COL4A2: variants seen among roughly 807,000 people sequenced by gnomAD.
COL4A2 encodes the protein collagen alpha-2(IV) chain.
A neutral mutation model predicts 200.2 loss-of-function variants in COL4A2; 99 were observed. That is an observed-to-expected ratio of 0.49 (90% CI 0.42 to 0.58). COL4A2 has a LOEUF of 0.58. Ranked by LOEUF, COL4A2 falls within the 20% of genes least tolerant of loss-of-function variation. The probability of loss-of-function intolerance (pLI) is 0.00; values close to 1 mark genes in which losing one functional copy is unlikely to be tolerated. For missense variants in COL4A2, 1,950 were observed against 2,314.1 expected, an observed-to-expected ratio of 0.84 and a Z score of 3.23; for synonymous variants, 897 against 900.6, an observed-to-expected ratio of 1.00 and a Z score of 0.07.
chr13:110,442,600 T>C (rs923890662), intron 16 of COL4A2, among the ~76,000 whole-genome samples: 1 of 152,238 alleles, frequency 6.6e-6, no homozygotes, highest in African/African-American at 2.4e-5. Context: ...CTTGCCCTCC[T>C]CTACATAAAC....
chr13:110,329,256 G>A (rs762058882), intron 3 of COL4A2, among the ~76,000 whole-genome samples: 3 of 152,184 alleles, frequency 2.0e-5, no homozygotes, highest in Non-Finnish European at 4.4e-5. Context: ...AGACACCACT[G>A]CAATCACTCT....
chr13:110,440,305 A>G (rs1170632052), intron 16 of COL4A2, among the ~76,000 whole-genome samples: 1 of 152,148 alleles, frequency 6.6e-6, no homozygotes, highest in Non-Finnish European at 1.5e-5. Context: ...TATGTAAGAA[A>G]TGTATTATGG....
chr13:110,416,402 TC>T (rs1880044661), intron 4 of COL4A2, among the ~76,000 whole-genome samples: 1 of 152,242 alleles, frequency 6.6e-6, no homozygotes, highest in African/African-American at 2.4e-5. Context: ...GCTTAGGAAA[TC>T]ACATCAGTCT....
chr13:110,423,658 C>T (rs1880346121), intron 4 of COL4A2, among the ~76,000 whole-genome samples: 1 of 152,194 alleles, frequency 6.6e-6, no homozygotes, highest in Non-Finnish European at 1.5e-5. Context: ...ACCAATCCAT[C>T]TCCAGAACTT....
rs1281626939 is a variant in COL4A2 at position 110,375,867 on chromosome 13, A to G, written c.180+18315A>G. On this transcript the variant is annotated intron_variant, in intron 4 of 47. Transcript: ENST00000360467. ...ATTGACAGAGAAAATCATCGTGATT[A>G]TGCTACATCTTTATACAGGAGTGGT... 2.6e-5 allele frequency among the ~76,000 whole-genome samples: 4 copies of G among 152,036 alleles called. No individual in the cohort carries two copies. The East Asian group carries it at 5.8e-4, about 22-fold the overall frequency.
chr13:110,423,418 C>T (rs1029476651), intron 4 of COL4A2, among the ~76,000 whole-genome samples: 1 of 151,966 alleles, frequency 6.6e-6, no homozygotes, highest in Non-Finnish European at 1.5e-5. Context: ...GGGAGGGAAA[C>T]AACACACCCG....
intron 4 of COL4A2, among the ~76,000 whole-genome samples, chr13:110,362,439 A>G (rs1877558648): frequency 6.6e-6 from 1 of 151,788 alleles, no homozygotes; most frequent in Admixed American, 6.6e-5. Context: ...TTAGGCCCTC[A>G]AGTAGCTGGA....
At chr13:110,420,199 G>A (rs951139182) in intron 4 of COL4A2, among the ~76,000 whole-genome samples, 1 of 152,152 alleles carries the variant, frequency 6.6e-6, no homozygotes, top group African/African-American at 2.4e-5. Context: ...AGTGCACCCC[G>A]GCCAGCCCTG....
rs1047806468 is a variant in COL4A2, at chr13:110,473,033, A to G, written c.2308A>G (p.Arg770Gly). The change falls in exon 29 of 48, where the codon AGG becomes GGG. Residue 770 changes from arginine (R) to glycine (G), a missense_variant. Coordinates refer to ENST00000360467, the MANE Select transcript of COL4A2 (RefSeq NM_001846.4). ...AGGGCCAGATGGGCCCCCTGGGGAA[A>G]GGGGCCTCCCTGGAGAAGTCCTGGG... ...LPGPDGPPGE[R>G]GLPGEVLGAQ... 1 of 1,514,296 alleles carries G rather than the reference A, an allele frequency of 6.6e-7. No individual in the cohort carries two copies. Among genetic ancestry groups the G allele is most frequent in the Non-Finnish European group, 8.8e-7 (1 of 1,132,018 alleles). The allele number at this position is 1,514,296 out of a possible 1,614,324, so 93.8% of individuals were successfully genotyped here.
At chr13:110,313,497 A>C (rs1885045754) in intron 3 of COL4A2, among the ~76,000 whole-genome samples, 1 of 149,722 alleles carries the variant, frequency 6.7e-6, no homozygotes, top group Admixed American at 6.6e-5. Context: ...GCAGGCTCCC[A>C]CCCCGGTGCC....
At chr13:110,402,666 G>A (rs551282998) in intron 4 of COL4A2, among the ~76,000 whole-genome samples, 1 of 152,320 alleles carries the variant, frequency 6.6e-6, no homozygotes, top group South Asian at 2.1e-4. Context: ...CTGACAGACT[G>A]AGGCTTTTTC....
At chr13:110,439,124 C>T (rs1217992288) in intron 15 of COL4A2, among the ~76,000 whole-genome samples, 1 of 152,186 alleles carries the variant, frequency 6.6e-6, no homozygotes, top group African/African-American at 2.4e-5. Flanking sequence ...ATTCAGCCAC[C>T]TGGGAGACAG....
At chr13:110,493,059 TAACGATGAGTGACACCCCCATGGGTG>T in intron 38 of COL4A2, 126 bp from the exon 39 acceptor site, 9 of 872,746 alleles carry the variant, frequency 1.0e-5, no homozygotes, top group South Asian at 2.8e-5. Flanking sequence ...ACAGGTGAAA[TAACGATGAGTGACACCCCCATGGGTG>T]AAATAACGAT....
intron 4 of COL4A2, among the ~76,000 whole-genome samples, chr13:110,367,383 A>G (rs1222894065): frequency 6.6e-6 from 1 of 152,264 alleles, no homozygotes. Flanking sequence ...GCATTATTAC[A>G]GTTCTTCCCT....
At position 110,384,140 on chromosome 13, in the gene COL4A2, G is replaced by A. The variant is rs558064567; in HGVS notation, c.180+26588G>A. ...TTTAGACTTGTGGCTCACTCTGTGT[G>A]AGAAGGAAAATTAAATACCAAAGCC... On this transcript the variant is annotated intron_variant, in intron 4 of 47. Coordinates refer to ENST00000360467, the MANE Select transcript of COL4A2 (RefSeq NM_001846.4). Among the ~76,000 whole-genome samples the A allele has an allele frequency of 1.8e-4, 27 of 152,316 alleles. No individual in the cohort carries two copies. In the South Asian group the frequency reaches 5.6e-3, roughly 32 times the overall value.
chr13:110,315,230 G>A (rs576220379), intron 3 of COL4A2, among the ~76,000 whole-genome samples: 1 of 152,220 alleles, frequency 6.6e-6, no homozygotes, highest in Non-Finnish European at 1.5e-5. Flanking sequence ...CACATGGCTG[G>A]AGCCTCTGTC....
intron 4 of COL4A2, among the ~76,000 whole-genome samples, chr13:110,366,210 A>G (rs1472470227): frequency 1.3e-5 from 2 of 152,244 alleles, no homozygotes; most frequent in Admixed American, 1.3e-4. Flanking sequence ...GGATTTCTAA[A>G]AAGACCAGAC....
intron 3 of COL4A2, among the ~76,000 whole-genome samples, chr13:110,356,200 A>G (rs756754595): frequency 2.2e-4 from 34 of 152,192 alleles, no homozygotes; most frequent in Non-Finnish European, 4.7e-4. Flanking sequence ...TCCATTTCCC[A>G]CTGACTCACT....
At position 110,399,505 on chromosome 13, in the gene COL4A2, C is replaced by T. The variant is rs572947285; in HGVS notation, c.181-25229C>T. 2.9e-4 allele frequency among the ~76,000 whole-genome samples: 44 copies of T among 152,314 alleles called. 1 individual carries two copies. The Middle Eastern group carries it at 0.02, about 71-fold the overall frequency. On this transcript the variant is annotated intron_variant, in intron 4 of 47. Transcript: ENST00000360467. ...GGTTGGCCCCAGACCTAAAGTCTTGCATCTCTGAACCACTTTACCTATTTT... is the reference window on the plus strand; with the variant it reads ...GGTTGGCCCCAGACCTAAAGTCTTGTATCTCTGAACCACTTTACCTATTTT...
Sources: gnomAD v4.1 joint callset for allele counts (sites outside exome capture counted in the v4.1 genomes callset) on GRCh38, gnomAD v4.1.1 for gene constraint, MANE v1.5 for transcripts, NCBI Gene and HGNC (gene_info 2026-07-23, HGNC 2026-07-21) for gene names.